Variants in USH2A observed in about 807,000 individuals in gnomAD.
USH2A encodes Usher syndrome 2A (autosomal recessive, mild).
A neutral mutation model predicts 538.9 loss-of-function variants in USH2A; 443 were observed. The ratio of observed to expected loss-of-function variants is 0.82; its 90% CI spans 0.76 to 0.89. The LOEUF is 0.89. Ranked by LOEUF, USH2A falls within the 40% of genes least tolerant of loss-of-function variation. The pLI, the probability that USH2A is intolerant of heterozygous loss-of-function variation, is 0.00. For missense variants in USH2A, 6,633 were observed against 6,324.8 expected, an observed-to-expected ratio of 1.05 and a Z score of -1.65; for synonymous variants, 2,413 against 2,273.5, an observed-to-expected ratio of 1.06 and a Z score of -1.75.
intron 13 of USH2A, among the ~76,000 whole-genome samples, chr1:216,240,982 G>T (rs1257760835): frequency 1.3e-5 from 2 of 152,184 alleles, no homozygotes; most frequent in African/African-American, 4.8e-5. Flanking sequence ...TTCCCTTGGA[G>T]AGTTTTGTTT....
chr1:215,972,487 T>C (rs1313146920), intron 35 of USH2A, among the ~76,000 whole-genome samples: 1 of 152,210 alleles, frequency 6.6e-6, no homozygotes, highest in Non-Finnish European at 1.5e-5. Context: ...CTTTCCCTTT[T>C]GTTCTTCCAG....
intron 37 of USH2A, 99 bp from the exon 38 acceptor site, chr1:215,934,894 A>T: frequency 8.7e-7 from 1 of 1,148,184 alleles, no homozygotes; most frequent in Non-Finnish European, 1.2e-6. Flanking sequence ...TACTGTACCA[A>T]ATAGGTCTGT....
chr1:216,156,082 C>A (rs1004265166), intron 21 of USH2A, among the ~76,000 whole-genome samples: 3 of 152,064 alleles, frequency 2.0e-5, no homozygotes, highest in Non-Finnish European at 2.9e-5. Flanking sequence ...ATGGCCCTTG[C>A]ATGATCTGGC....
intron 11 of USH2A, among the ~76,000 whole-genome samples, chr1:216,260,102 T>C (rs2036339028): frequency 6.6e-6 from 1 of 152,026 alleles, no homozygotes; most frequent in African/African-American, 2.4e-5. Flanking sequence ...CTTTTCCTCT[T>C]TTTCTTGATA....
At chr1:215,866,951 G>T (rs1269933826) in intron 44 of USH2A, 56 bp downstream of exon 44, 59 of 1,611,124 alleles carry the variant, frequency 3.7e-5, no homozygotes, top group Non-Finnish European at 4.8e-5. Context: ...AGTAAAGAAA[G>T]AATATGCTTT....
At chr1:215,676,247 T>C (rs10864182) in intron 62 of USH2A, among the ~76,000 whole-genome samples, 30,327 of 152,130 alleles carry the variant, frequency 0.2, 3,362 homozygotes, top group East Asian at 0.37. Flanking sequence ...CTGTTTTCTC[T>C]TCCAGGCCAT....
At chr1:215,985,118 C>A (rs1667842118) in intron 35 of USH2A, among the ~76,000 whole-genome samples, 2 of 152,154 alleles carry the variant, frequency 1.3e-5, no homozygotes, top group Non-Finnish European at 2.9e-5. Context: ...TTCTATAATC[C>A]ATTTCACTTA....
At chr1:216,221,214 T>G (rs1023615263) in intron 14 of USH2A, among the ~76,000 whole-genome samples, 27 of 152,150 alleles carry the variant, frequency 1.8e-4, no homozygotes, top group Non-Finnish European at 3.7e-4. Context: ...CCCTTTTTAT[T>G]GGCTTAACTC....
At chr1:216,066,210 C>T (rs749488335) in intron 30 of USH2A, among the ~76,000 whole-genome samples, 25 of 151,988 alleles carry the variant, frequency 1.6e-4, no homozygotes, top group Non-Finnish European at 3.2e-4. Flanking sequence ...GTGGCTCACG[C>T]CTGTAATCCC....
At chr1:216,274,769 T>TA (rs1325975683) in intron 11 of USH2A, among the ~76,000 whole-genome samples, 15 of 152,138 alleles carry the variant, frequency 9.9e-5, no homozygotes, top group Non-Finnish European at 2.1e-4. Flanking sequence ...TACATTGGTG[T>TA]AAAACCAAGA....
intron 21 of USH2A, among the ~76,000 whole-genome samples, chr1:216,104,111 C>T (rs994781039): frequency 2.0e-5 from 3 of 151,714 alleles, no homozygotes; most frequent in South Asian, 4.2e-4. Flanking sequence ...TACATGTGCA[C>T]AACGTGCAGG....
At position 216,422,762 on chromosome 1, in the gene USH2A, A is replaced by C. The variant is rs116065997; in HGVS notation, c.-204-222T>G. ...TTTATAAGTCCACAGGACAACCAGT[A>C]ATATTTATAACCAGTTATACATAAA... is the stretch of plus-strand genomic sequence containing the variant. On this transcript the variant is annotated intron_variant, in intron 1 of 71. Coordinates refer to ENST00000307340, the MANE Select transcript of USH2A (RefSeq NM_206933.4). Among the ~76,000 whole-genome samples the C allele has an allele frequency of 5.1e-3, 776 of 152,030 alleles. 3 individuals are homozygous for C. Among genetic ancestry groups the C allele is most frequent in the African/African-American group, 0.018 (751 of 41,520 alleles).
chr1:215,785,421 T>C lies in USH2A; in HGVS notation c.10387+1249A>G, dbSNP rs190743679. The stretch of plus-strand genomic sequence containing the variant: ...TTGATGATGGCATTATTTGAATATG[T>C]TTCTTTCTCATGGCGAGTAACTTTT... On this transcript the variant is annotated intron_variant, in intron 52 of 71. Coordinates refer to ENST00000307340, the MANE Select transcript of USH2A (RefSeq NM_206933.4). Among the ~76,000 whole-genome samples the C allele has an allele frequency of 2.0e-5, 3 of 152,328 alleles. 1 individual carries two copies. The East Asian group carries it at 5.8e-4, about 29-fold the overall frequency.
At chr1:215,926,177 T>C (rs2102492576) in intron 38 of USH2A, among the ~76,000 whole-genome samples, 1 of 146,792 alleles carries the variant, frequency 6.8e-6, no homozygotes, top group South Asian at 2.1e-4. Flanking sequence ...TTTGAGCCAG[T>C]TCTAGTTGCC....
At chr1:216,043,343 C>A (rs1254861937) in intron 32 of USH2A, among the ~76,000 whole-genome samples, 2 of 151,934 alleles carry the variant, frequency 1.3e-5, no homozygotes, top group African/African-American at 4.8e-5. Flanking sequence ...GCATTGCAGT[C>A]CCAATATGCT....
At chr1:215,747,733 T>G (rs1660512230) in intron 58 of USH2A, among the ~76,000 whole-genome samples, 1 of 152,194 alleles carries the variant, frequency 6.6e-6, no homozygotes, top group South Asian at 2.1e-4. Context: ...TGATAGAAAT[T>G]TCCATCCAGA....
Position 215,965,393 on chromosome 1 carries a change from C to G in USH2A, c.7044G>C (p.Arg2348Ser). The change falls in exon 37 of 72, where the codon AGG becomes AGC. Residue 2348 changes from arginine (R) to serine (S), a missense_variant. Arg to Ser is a moderately radical substitution (Grantham distance 110). Coordinates refer to ENST00000307340, the MANE Select transcript of USH2A (RefSeq NM_206933.4). Reference protein sequence around the residue: ...KTQGSRKAHVRWEAPFRPNGL... With the variant: ...KTQGSRKAHVSWEAPFRPNGL... The stretch of plus-strand genomic sequence containing the variant: ...CATTAGGGCGAAAAGGTGCTTCCCA[C>G]CTCACGTGGGCTTTCCGGGATCCCT... 1 of 1,613,936 alleles carries G rather than the reference C, an allele frequency of 6.2e-7. No homozygotes were observed. Among genetic ancestry groups the G allele is most frequent in the Non-Finnish European group, 8.5e-7 (1 of 1,179,860 alleles).
At chr1:216,194,880 T>C (rs2034803270) in intron 19 of USH2A, among the ~76,000 whole-genome samples, 1 of 152,080 alleles carries the variant, frequency 6.6e-6, no homozygotes, top group Non-Finnish European at 1.5e-5. Context: ...GTCCAGCCTG[T>C]GGTACAGGCA....
intron 30 of USH2A, among the ~76,000 whole-genome samples, chr1:216,050,777 T>TG (rs1167675474): frequency 1.3e-5 from 2 of 151,102 alleles, no homozygotes; most frequent in African/African-American, 4.9e-5. Flanking sequence ...GCTAATTTTT[T>TG]TGTATTTTTA....
Sources: allele counts gnomAD v4.1 joint callset (sites outside exome capture counted in the v4.1 genomes callset), GRCh38; gene constraint gnomAD v4.1.1; transcripts MANE v1.5; gene names NCBI Gene and HGNC (gene_info 2026-07-23, HGNC 2026-07-21).